CLIP2: variants seen among roughly 807,000 people sequenced by gnomAD.
CLIP2 encodes CAP-Gly domain containing linker protein 2.
CLIP2 carries 41 observed loss-of-function variants against 111.7 expected under a neutral mutation model. That is an observed-to-expected ratio of 0.37 (90% CI 0.29 to 0.48). CLIP2 has a LOEUF of 0.48. CLIP2 is among the 20% of genes least tolerant of loss of function. The probability of loss-of-function intolerance (pLI) is 0.99; values close to 1 mark genes in which losing one functional copy is unlikely to be tolerated. For missense variants in CLIP2, 1,160 were observed against 1,422.1 expected (o/e 0.82, Z 2.96); for synonymous variants, 660 against 644.2 (o/e 1.02, Z -0.37).
At chr7:74,324,385 C>A (rs1329748146) in intron 2 of CLIP2, among the ~76,000 whole-genome samples, 1 of 152,182 alleles carries the variant, frequency 6.6e-6, no homozygotes, top group Non-Finnish European at 1.5e-5. Context: ...TGTGATATCA[C>A]CTGCTGTCAT....
chr7:74,309,738 G>A (rs1251449149), intron 1 of CLIP2, among the ~76,000 whole-genome samples: 2 of 150,886 alleles, frequency 1.3e-5, no homozygotes, highest in Non-Finnish European at 2.9e-5. Flanking sequence ...CACACCTGTA[G>A]TTCCAGCTAC....
chr7:74,372,780 C>T (rs1790665556), intron 8 of CLIP2, 152 bp from the exon 9 acceptor site: 2 of 624,362 alleles, frequency 3.2e-6, no homozygotes, highest in African/African-American at 3.7e-5. Flanking sequence ...AATTCTGGCT[C>T]ATGAATCTAC....
Position 74,338,755 on chromosome 7 carries a change from C to G in CLIP2, c.429C>G (p.Ser143=). The G allele has an allele frequency of 1.2e-6, 2 of 1,604,638 alleles. No individual in the cohort carries two copies. Among genetic ancestry groups the G allele is most frequent in the Non-Finnish European group, 1.7e-6 (2 of 1,177,402 alleles). ...TCCAGGGTATCTTCACGCGGCCCTC[C>G]AAGCTGACCCGGCAGCCCACGGCCG... is the stretch of plus-strand genomic sequence containing the variant. ...PALQGIFTRP[S]KLTRQPTAEG... The change falls in exon 3 of 17, where the codon TCC becomes TCG. Residue 143 remains serine, a synonymous_variant. Transcript: ENST00000223398. The surrounding 1 kb of genome is among the most constrained non-coding windows in gnomAD (Gnocchi z 4.3).
At chr7:74,403,214 CAAA>C (rs35885639) in intron 16 of CLIP2, among the ~76,000 whole-genome samples, 13 of 113,082 alleles carry the variant, frequency 1.1e-4, no homozygotes, top group African/African-American at 1.4e-4. Context: ...GAGACTGTCT[CAAA>C]AAAAAAAAAA....
At chr7:74,326,638 A>ATT (rs879951400) in intron 2 of CLIP2, among the ~76,000 whole-genome samples, 4 of 136,598 alleles carry the variant, frequency 2.9e-5, no homozygotes, top group Admixed American at 1.5e-4. Flanking sequence ...GGCCCAGAGC[A>ATT]TTTTTTTTTT....
intron 3 of CLIP2, among the ~76,000 whole-genome samples, chr7:74,339,262 C>T (rs1334561780): frequency 1.3e-5 from 2 of 151,906 alleles, no homozygotes; most frequent in South Asian, 2.1e-4. Context: ...CTCTTTCTAT[C>T]GGTAAAATGG....
chr7:74,380,922 G>T, intron 11 of CLIP2, 59 bp downstream of exon 11: 1 of 1,530,818 alleles, frequency 6.5e-7, no homozygotes, highest in Non-Finnish European at 9.1e-7. Flanking sequence ...GGCTGGCTCT[G>T]CCTTCCTGCT....
At chr7:74,367,803 ATG>A (rs1790500801) in intron 8 of CLIP2, among the ~76,000 whole-genome samples, 2 of 151,082 alleles carry the variant, frequency 1.3e-5, no homozygotes, top group Non-Finnish European at 2.9e-5. Flanking sequence ...TTGGCTGGGC[ATG>A]GTGGCTCACA....
chr7:74,293,395 C>T (rs1788081466), intron 1 of CLIP2, among the ~76,000 whole-genome samples: 1 of 152,140 alleles, frequency 6.6e-6, no homozygotes, highest in Non-Finnish European at 1.5e-5. Context: ...CTACAGGCTC[C>T]GTCTCCTTGG....
intron 2 of CLIP2, among the ~76,000 whole-genome samples, chr7:74,331,401 A>G (rs1789274708): frequency 6.6e-6 from 1 of 151,442 alleles, no homozygotes; most frequent in Middle Eastern, 3.2e-3. Flanking sequence ...AGGATGGTGG[A>G]GGAGCTTTGG....
chr7:74,337,170 G>A (rs1421783492), intron 2 of CLIP2, among the ~76,000 whole-genome samples: 1 of 152,070 alleles, frequency 6.6e-6, no homozygotes, highest in African/African-American at 2.4e-5. Context: ...TTATAGGCAT[G>A]AGCCACCAAA....
chr7:74,388,938 A>C, intron 12 of CLIP2, 165 bp from the exon 13 acceptor site: 1 of 727,662 alleles, frequency 1.4e-6, no homozygotes, highest in Middle Eastern at 3.8e-4. Context: ...TCTGGGTGAC[A>C]GAGCCAGACC....
intron 1 of CLIP2, among the ~76,000 whole-genome samples, chr7:74,311,942 A>G (rs1216974844): frequency 1.3e-5 from 2 of 151,770 alleles, no homozygotes; most frequent in African/African-American, 4.8e-5. Flanking sequence ...AGAAAGAAAG[A>G]AAAAGAAAAG....
intron 3 of CLIP2, among the ~76,000 whole-genome samples, chr7:74,349,466 GTGTGTATATATATATATA>G (rs1789911635): frequency 1.3e-5 from 1 of 77,516 alleles, no homozygotes; most frequent in Non-Finnish European, 2.6e-5. Context: ...GTGTGTGTGT[GTGTGTATATATATATATA>G]TATATATATA....
intron 6 of CLIP2, among the ~76,000 whole-genome samples, chr7:74,358,995 C>T (rs539428319): frequency 5.3e-5 from 8 of 151,884 alleles, no homozygotes; most frequent in African/African-American, 1.7e-4. Flanking sequence ...GACAGAGTCT[C>T]GCTCTGTCAC....
Position 74,313,326 on chromosome 7 carries a change from G to A in CLIP2, c.-67-4154G>A, listed in dbSNP as rs146581126. On this transcript the variant is annotated intron_variant, in intron 1 of 16. Transcript: ENST00000223398. ...TGTAATTCCAGCACTTTGGGAGGCCGAGGGGGGCAGATCATGAGGTCAGGA... is the reference window on the plus strand; with the variant it reads ...TGTAATTCCAGCACTTTGGGAGGCCAAGGGGGGCAGATCATGAGGTCAGGA... Among the ~76,000 whole-genome samples, 267 of 152,042 alleles carry A rather than the reference G, an allele frequency of 1.8e-3. 1 individual carries two copies. The highest frequency in any genetic ancestry group is 3.3e-3 in the African/African-American group (136 of 41,468).
rs782264415 is a variant in CLIP2, at chr7:74,338,852, G to C, written c.526G>C (p.Ala176Pro). The C allele has an allele frequency of 6.2e-7, 1 of 1,609,586 alleles. No individual in the cohort carries two copies. The highest frequency in any genetic ancestry group is 8.5e-7 in the Non-Finnish European group (1 of 1,179,896). Residue 176 changes from alanine to proline, a missense_variant, in exon 3 of 17, where the codon GCC (alanine) becomes CCC (proline). Ala to Pro is a conservative substitution (Grantham distance 27, BLOSUM62 -1). Transcript: ENST00000223398. The surrounding 1 kb of genome is among the most constrained non-coding windows in gnomAD (Gnocchi z 4.3). ...AQNLSLHSGT[A>P]TPPLTSRVIP... is the part of the protein sequence containing the mutation. ...GAACCTGTCATTGCATTCGGGCACG[G>C]CCACGCCCCCGCTGACCAGCCGCGT...
intron 6 of CLIP2, among the ~76,000 whole-genome samples, chr7:74,359,027 C>CGTGT (rs1790236388): frequency 6.6e-6 from 1 of 150,690 alleles, no homozygotes; most frequent in Admixed American, 6.6e-5. Flanking sequence ...TGCAGTAACA[C>CGTGT]GATCTTGGCT....
chr7:74,315,086 G>A (rs1788734558), intron 1 of CLIP2, among the ~76,000 whole-genome samples: 1 of 152,102 alleles, frequency 6.6e-6, no homozygotes, highest in African/African-American at 2.4e-5. Context: ...GAGCAGTCTG[G>A]CCAACATGGC....
Sources: gnomAD v4.1 joint callset for allele counts (sites outside exome capture counted in the v4.1 genomes callset) on GRCh38, gnomAD v4.1.1 for gene constraint, Gnocchi (gnomAD v3.1) non-coding constraint, MANE v1.5 for transcripts, NCBI Gene and HGNC (gene_info 2026-07-23, HGNC 2026-07-21) for gene names.